DCDC2: variants seen among roughly 807,000 people sequenced by gnomAD.
The protein encoded by DCDC2 is doublecortin domain containing 2.
A neutral mutation model predicts 50.2 loss-of-function variants in DCDC2; 40 were observed. That is an observed-to-expected ratio of 0.80 (90% CI 0.62 to 1.04). The LOEUF is 1.04. Among genes scored for constraint, DCDC2 ranks in the 50% least tolerant of loss-of-function variants. The pLI, the probability that DCDC2 is intolerant of heterozygous loss-of-function variation, is 0.00. For synonymous variants in DCDC2, 234 were observed against 210.6 expected, an observed-to-expected ratio of 1.11 and a Z score of -0.96; for missense variants, 570 against 581.9, an observed-to-expected ratio of 0.98 and a Z score of 0.21.
chr6:24,180,017 C>G (rs1232932658), intron 8 of DCDC2, among the ~76,000 whole-genome samples: 1 of 150,690 alleles, frequency 6.6e-6, no homozygotes, highest in Non-Finnish European at 1.5e-5. Context: ...AGAGCCAAGA[C>G]TTTGGAGAAA....
intron 2 of DCDC2, among the ~76,000 whole-genome samples, chr6:24,335,637 G>A (rs116394689): frequency 0.023 from 3,552 of 152,164 alleles, 96 homozygotes; most frequent in African/African-American, 0.071. Context: ...CCCAAAACTA[G>A]GTAATTTGTA....
intron 4 of DCDC2, among the ~76,000 whole-genome samples, chr6:24,294,297 A>G (rs1763814835): frequency 6.6e-6 from 1 of 152,064 alleles, no homozygotes; most frequent in Admixed American, 6.6e-5. Flanking sequence ...TGAGGCTGCA[A>G]TGAACAGAGA....
the DCDC2 span, among the ~76,000 whole-genome samples, chr6:24,369,216 C>A: frequency 3.3e-5 from 5 of 151,356 alleles, no homozygotes; most frequent in African/African-American, 1.2e-4. Context: ...CATTATAAGC[C>A]CCTTTTGTTT....
At chr6:24,382,453 T>C in the DCDC2 span, among the ~76,000 whole-genome samples, 1 of 152,218 alleles carries the variant, frequency 6.6e-6, no homozygotes, top group African/African-American at 2.4e-5. Context: ...CAATGCCTTT[T>C]TTCCCCCTAA....
At position 24,178,557 on chromosome 6, in the gene DCDC2, A is replaced by T. The variant is rs538198742; in HGVS notation, c.1099T>A (p.Ser367Thr). The change falls in exon 9 of 10, where the codon TCA (serine) becomes ACA (threonine). Residue 367 changes from serine (S) to threonine (T), a missense_variant. Physicochemically the swap from Ser to Thr is moderately conservative, Grantham distance 58 (BLOSUM62 1). Transcript: ENST00000378454. ...TCTTCAAGGTCACCATTCATTCCTG[A>T]AAAGTCTTCTTTCTGTTCTGCATCC... ...NKDAEQKEDF[S>T]GMNGDLEEEG... 197 of 1,614,122 alleles carry T rather than the reference A, an allele frequency of 1.2e-4. 2 individuals carry two copies. The South Asian group carries it at 1.8e-3, about 14-fold the overall frequency.
intron 6 of DCDC2, among the ~76,000 whole-genome samples, chr6:24,287,701 T>G (rs1341844209): frequency 6.6e-6 from 1 of 152,200 alleles, no homozygotes; most frequent in Admixed American, 6.5e-5. Flanking sequence ...CTCATCTACC[T>G]TTTTCTGAAT....
At chr6:24,368,179 G>A in the DCDC2 span, among the ~76,000 whole-genome samples, 13 of 152,116 alleles carry the variant, frequency 8.5e-5, no homozygotes, top group African/African-American at 2.6e-4. Flanking sequence ...ACAGGACAGA[G>A]AGAGAATAGA....
intron 6 of DCDC2, among the ~76,000 whole-genome samples, chr6:24,279,479 G>A (rs1014291140): frequency 6.6e-6 from 1 of 152,158 alleles, no homozygotes; most frequent in African/African-American, 2.4e-5. Flanking sequence ...TACTCAAGAG[G>A]CTGACACAGG....
intron 2 of DCDC2, among the ~76,000 whole-genome samples, chr6:24,320,285 G>A (rs1252699638): frequency 6.6e-6 from 1 of 152,166 alleles, no homozygotes; most frequent in Non-Finnish European, 1.5e-5. Flanking sequence ...AGTAGAACTG[G>A]AGGTATCAGT....
chr6:24,258,695 G>A (rs2063621419), intron 7 of DCDC2, among the ~76,000 whole-genome samples: 1 of 152,164 alleles, frequency 6.6e-6, no homozygotes, highest in Non-Finnish European at 1.5e-5. Context: ...ATAGAGCCAA[G>A]TAGCCCTTTG....
At chr6:24,233,327 T>C (rs569301507) in intron 7 of DCDC2, among the ~76,000 whole-genome samples, 9 of 152,340 alleles carry the variant, frequency 5.9e-5, no homozygotes, top group Admixed American at 2.6e-4. Flanking sequence ...TCATATTATG[T>C]GGCGTGGTTA....
At chr6:24,225,788 G>A (rs972277158) in intron 7 of DCDC2, among the ~76,000 whole-genome samples, 2 of 151,892 alleles carry the variant, frequency 1.3e-5, no homozygotes, top group Non-Finnish European at 2.9e-5. Flanking sequence ...TTTTTAATTT[G>A]ACTACCTAAT....
At chr6:24,226,331 T>C (rs1410407926) in intron 7 of DCDC2, among the ~76,000 whole-genome samples, 8 of 152,202 alleles carry the variant, frequency 5.3e-5, no homozygotes, top group Non-Finnish European at 1.5e-5. Context: ...AATAGTACCA[T>C]AAGAAAAGAA....
chr6:24,208,364 T>A (rs973512265), intron 7 of DCDC2, among the ~76,000 whole-genome samples: 31 of 50,248 alleles, frequency 6.2e-4, no homozygotes, highest in Non-Finnish European at 8.1e-4. Context: ...TCTGTGCTAC[T>A]TTTTTTTTTT....
chr6:24,357,298 C>T, intron 1 of DCDC2, 160 bp downstream of exon 1: 1 of 787,386 alleles, frequency 1.3e-6, no homozygotes, highest in Non-Finnish European at 1.9e-6. Flanking sequence ...TCAACCTCTA[C>T]CCCCCAACTG....
At chr6:24,265,269 T>C (rs1030433934) in intron 7 of DCDC2, among the ~76,000 whole-genome samples, 2 of 152,238 alleles carry the variant, frequency 1.3e-5, no homozygotes, top group South Asian at 2.1e-4. Flanking sequence ...CACCCAGATA[T>C]AAAAAGCAAA....
intron 2 of DCDC2, 104 bp from the exon 3 acceptor site, chr6:24,302,148 T>C (rs1027723898): frequency 4.1e-6 from 4 of 964,872 alleles, no homozygotes; most frequent in East Asian, 2.6e-5. Context: ...TGAGACTTCC[T>C]GTGCCTTTGT....
At chr6:24,223,144 CATA>C (rs1452273708) in intron 7 of DCDC2, among the ~76,000 whole-genome samples, 1 of 152,188 alleles carries the variant, frequency 6.6e-6, no homozygotes, top group African/African-American at 2.4e-5. Context: ...AGATGAAGCT[CATA>C]ATATCATTGA....
chr6:24,369,646 C>A, the DCDC2 span, among the ~76,000 whole-genome samples: 2 of 151,930 alleles, frequency 1.3e-5, no homozygotes, highest in South Asian at 4.2e-4. Flanking sequence ...AACGGCCAAA[C>A]TGATAGATCA....
Sources: allele counts gnomAD v4.1 joint callset (sites outside exome capture counted in the v4.1 genomes callset), GRCh38; gene constraint gnomAD v4.1.1; transcripts MANE v1.5; gene names NCBI Gene and HGNC (gene_info 2026-07-23, HGNC 2026-07-21).